Variants in ANKS1B observed in about 807,000 individuals in gnomAD.
ANKS1B encodes the protein ankyrin repeat and sterile alpha motif domain-containing protein 1B.
ANKS1B carries 36 observed loss-of-function variants against 148.3 expected under a neutral mutation model. That is an observed-to-expected ratio of 0.24 (90% CI 0.19 to 0.32). The LOEUF is 0.32. Among genes scored for constraint, ANKS1B ranks in the 10% least tolerant of loss-of-function variants. The pLI, the probability that ANKS1B is intolerant of heterozygous loss-of-function variation, is 1.00. For synonymous variants in ANKS1B, 542 were observed against 560.8 expected, an observed-to-expected ratio of 0.97 and a Z score of 0.47; for missense variants, 1,157 against 1,542.6, an observed-to-expected ratio of 0.75 and a Z score of 4.19.
At chr12:99,817,132 G>A (rs2069290895) in intron 2 of ANKS1B, among the ~76,000 whole-genome samples, 1 of 144,154 alleles carries the variant, frequency 6.9e-6, no homozygotes, top group Non-Finnish European at 1.5e-5. Context: ...CCTTCTAACT[G>A]TATTTTTGTA....
At chr12:99,015,298 C>T (rs2099941779) in intron 17 of ANKS1B, among the ~76,000 whole-genome samples, 1 of 152,170 alleles carries the variant, frequency 6.6e-6, no homozygotes, top group South Asian at 2.1e-4. Context: ...ACCTCATGTT[C>T]TCATTTATAA....
chr12:99,400,954 A>G (rs1180220572), intron 11 of ANKS1B, among the ~76,000 whole-genome samples: 3 of 145,802 alleles, frequency 2.1e-5, no homozygotes, highest in African/African-American at 7.8e-5. Flanking sequence ...AATCTAAAAT[A>G]GACAATCATA....
At chr12:98,795,973 C>G (rs2098945199) in intron 22 of ANKS1B, among the ~76,000 whole-genome samples, 2 of 152,168 alleles carry the variant, frequency 1.3e-5, no homozygotes, top group Admixed American at 1.3e-4. Context: ...CAACTGCTAC[C>G]TGTTATTAGC....
intron 12 of ANKS1B, among the ~76,000 whole-genome samples, chr12:99,356,477 A>G (rs2091994481): frequency 6.6e-6 from 1 of 152,138 alleles, no homozygotes; most frequent in African/African-American, 2.4e-5. Flanking sequence ...GCATGCCAGC[A>G]TCAGGAAGGA....
chr12:99,922,026 T>A (rs192459376), intron 1 of ANKS1B, among the ~76,000 whole-genome samples: 49 of 152,236 alleles, frequency 3.2e-4, no homozygotes, highest in African/African-American at 1.2e-3. Context: ...GCCACTTAGG[T>A]GCTGTGTGAC....
chr12:99,283,331 C>G (rs990643517), intron 12 of ANKS1B, among the ~76,000 whole-genome samples: 1 of 152,116 alleles, frequency 6.6e-6, no homozygotes, highest in African/African-American at 2.4e-5. Context: ...AAATATGAAC[C>G]CTATAGTCCA....
intron 12 of ANKS1B, among the ~76,000 whole-genome samples, chr12:99,313,836 C>A (rs1488270937): frequency 6.6e-6 from 1 of 152,136 alleles, no homozygotes; most frequent in East Asian, 1.9e-4. Flanking sequence ...AAGCTGGAAG[C>A]ATTCCCTTCG....
At chr12:99,193,902 A>G (rs940029288) in intron 14 of ANKS1B, among the ~76,000 whole-genome samples, 1 of 147,540 alleles carries the variant, frequency 6.8e-6, no homozygotes, top group Non-Finnish European at 1.5e-5. Context: ...CCCAGGTTCA[A>G]GCGATTCTCC....
rs1595069249 is a variant in ANKS1B, at chr12:99,453,304, A to G, written c.1439-9495T>C. Among the ~76,000 whole-genome samples, 4 of 152,200 alleles carry G rather than the reference A, an allele frequency of 2.6e-5. No individual in the cohort carries two copies. In the South Asian group the frequency reaches 6.2e-4, roughly 24 times the overall value. ...GAGTCCGTCTCAAATAAAAAGAATAAAAAAGAAAAAAAAAGAAGAGATGAG... is the reference window on the plus strand; with the variant it reads ...GAGTCCGTCTCAAATAAAAAGAATAGAAAAGAAAAAAAAAGAAGAGATGAG... On this transcript the variant is annotated intron_variant, in intron 10 of 26. Transcript: ENST00000683438.
At chr12:99,695,117 T>G (rs1434964722) in intron 8 of ANKS1B, among the ~76,000 whole-genome samples, 2 of 152,150 alleles carry the variant, frequency 1.3e-5, no homozygotes, top group Non-Finnish European at 2.9e-5. Context: ...TGAGCTCTGT[T>G]TATAATCAAA....
intron 14 of ANKS1B, among the ~76,000 whole-genome samples, chr12:99,181,895 C>T (rs2153859405): frequency 6.6e-6 from 1 of 151,938 alleles, no homozygotes; most frequent in Admixed American, 6.6e-5. Context: ...CTATCAAACA[C>T]CAGATCTTAT....
At chr12:99,326,713 T>A (rs889919154) in intron 12 of ANKS1B, among the ~76,000 whole-genome samples, 2 of 150,908 alleles carry the variant, frequency 1.3e-5, no homozygotes, top group Admixed American at 6.7e-5. Context: ...ATATTTTAAT[T>A]TTTTTTTTAC....
intron 14 of ANKS1B, among the ~76,000 whole-genome samples, chr12:99,200,134 G>T (rs1210655105): frequency 6.6e-6 from 1 of 152,138 alleles, no homozygotes; most frequent in Non-Finnish European, 1.5e-5. Context: ...AACAAAAGTG[G>T]TTCCTGCAAA....
chr12:99,784,146 T>C (rs1374503820), intron 4 of ANKS1B, among the ~76,000 whole-genome samples: 2 of 151,252 alleles, frequency 1.3e-5, no homozygotes, highest in Admixed American at 6.6e-5. Flanking sequence ...TCATACCCTA[T>C]GCTCCAGGCA....
At chr12:99,806,811 T>A in intron 3 of ANKS1B, 111 bp from the exon 4 acceptor site, 3 of 1,090,164 alleles carry the variant, frequency 2.8e-6, no homozygotes, top group Non-Finnish European at 3.9e-6. Context: ...TTAAGATTTA[T>A]CCATTTTAAC....
At chr12:99,645,163 T>G (rs1353660000) in intron 9 of ANKS1B, among the ~76,000 whole-genome samples, 1 of 152,218 alleles carries the variant, frequency 6.6e-6, no homozygotes, top group Non-Finnish European at 1.5e-5. Context: ...GATTTCTGTT[T>G]AAAATACTTA....
At chr12:98,805,725 T>G (rs2099045976) in intron 20 of ANKS1B, among the ~76,000 whole-genome samples, 1 of 152,232 alleles carries the variant, frequency 6.6e-6, no homozygotes, top group South Asian at 2.1e-4. Context: ...AAATTTTTAG[T>G]TCACATGCAC....
intron 12 of ANKS1B, among the ~76,000 whole-genome samples, chr12:99,360,717 GAAC>G (rs2092397137): frequency 6.6e-6 from 1 of 152,108 alleles, no homozygotes; most frequent in Admixed American, 6.6e-5. Flanking sequence ...GTGTGGAATA[GAAC>G]AACTGACCCA....
intron 17 of ANKS1B, among the ~76,000 whole-genome samples, chr12:99,034,239 G>A (rs772554636): frequency 1.3e-5 from 2 of 152,200 alleles, no homozygotes; most frequent in Non-Finnish European, 2.9e-5. Context: ...GCAAGAGAGC[G>A]GCAGGGCAGA....
Sources: allele counts gnomAD v4.1 joint callset (sites outside exome capture counted in the v4.1 genomes callset), GRCh38; gene constraint gnomAD v4.1.1; transcripts MANE v1.5; gene names NCBI Gene and HGNC (gene_info 2026-07-23, HGNC 2026-07-21).